SLC25A26: variants seen among roughly 807,000 people sequenced by gnomAD.
SLC25A26 encodes solute carrier family 25 member 26.
Under a neutral mutation model 37.8 loss-of-function variants are expected in SLC25A26, and 36 were observed. The observed-to-expected ratio is 0.95, with a 90% CI of 0.73 to 1.26. The LOEUF (loss-of-function observed/expected upper bound fraction) is 1.26, where lower values mean the gene tolerates loss of function less well. SLC25A26 is among the 50% of genes most tolerant of loss of function. The probability of loss-of-function intolerance (pLI) is 0.00; values close to 1 mark genes in which losing one functional copy is unlikely to be tolerated. For missense variants in SLC25A26, 390 were observed against 331.1 expected (o/e 1.18, Z -1.38); for synonymous variants, 129 against 122.5 (o/e 1.05, Z -0.35).
intron 5 of SLC25A26, among the ~76,000 whole-genome samples, chr3:66,279,331 A>G (rs2074260259): frequency 6.6e-6 from 1 of 152,098 alleles, no homozygotes; most frequent in Admixed American, 6.5e-5. Context: ...TGTTTCCTGA[A>G]GGCCGCATAG....
At chr3:66,277,136 A>G (rs1478011871) in intron 5 of SLC25A26, among the ~76,000 whole-genome samples, 1 of 152,114 alleles carries the variant, frequency 6.6e-6, no homozygotes, top group Non-Finnish European at 1.5e-5. Context: ...AAAGACACAC[A>G]AAAAAGATTA....
At chr3:66,246,033 A>G (rs1487200419) in intron 3 of SLC25A26, among the ~76,000 whole-genome samples, 1 of 152,194 alleles carries the variant, frequency 6.6e-6, no homozygotes, top group African/African-American at 2.4e-5. Flanking sequence ...GAATTTGCCT[A>G]TTTTGGACAT....
At chr3:66,269,497 T>G (rs2073880180) in intron 5 of SLC25A26, among the ~76,000 whole-genome samples, 1 of 152,216 alleles carries the variant, frequency 6.6e-6, no homozygotes. Context: ...GTATAAAAAG[T>G]AAAGTTACCC....
At chr3:66,342,884 C>T (rs1321347440) in intron 5 of SLC25A26, among the ~76,000 whole-genome samples, 1 of 152,136 alleles carries the variant, frequency 6.6e-6, no homozygotes, top group African/African-American at 2.4e-5. Context: ...TGGGTCTTAA[C>T]AACCTTATTC....
intron 5 of SLC25A26, among the ~76,000 whole-genome samples, chr3:66,296,617 CTAAG>C (rs2074910242): frequency 6.6e-6 from 1 of 152,070 alleles, no homozygotes; most frequent in African/African-American, 2.4e-5. Context: ...TTTTAGGTAT[CTAAG>C]TAGTGAAGAT....
intron 1 of SLC25A26, among the ~76,000 whole-genome samples, chr3:66,171,137 T>C (rs2106732378): frequency 6.6e-6 from 1 of 152,328 alleles, no homozygotes; most frequent in African/African-American, 2.4e-5. Context: ...TTACTTTGTG[T>C]TAGAAGAGTT....
chr3:66,305,018 C>G (rs890219698), intron 5 of SLC25A26, among the ~76,000 whole-genome samples: 1 of 152,104 alleles, frequency 6.6e-6, no homozygotes, highest in Non-Finnish European at 1.5e-5. Flanking sequence ...TTCTGAGATT[C>G]TTTATTAGCA....
intron 3 of SLC25A26, among the ~76,000 whole-genome samples, chr3:66,261,133 C>G (rs2073513047): frequency 6.6e-6 from 1 of 152,204 alleles, no homozygotes; most frequent in Admixed American, 6.5e-5. Flanking sequence ...TCCCGAGTGC[C>G]ATAACTTTCA....
Position 66,278,704 on chromosome 3 carries a change from C to T in SLC25A26, c.453+15325C>T, listed in dbSNP as rs191442742. Among the ~76,000 whole-genome samples the T allele has an allele frequency of 1.4e-4, 21 of 152,250 alleles. 1 individual carries two copies. Among genetic ancestry groups the T allele is most frequent in the East Asian group, 1.4e-3 (7 of 5,178 alleles). ...ATTCGTTTCTTTATTTCTTATCCTA[C>T]GAACTTTCTGCATCTTACAACTTTC... On this transcript the variant is annotated intron_variant, in intron 5 of 9. Coordinates refer to ENST00000354883, the MANE Select transcript of SLC25A26 (RefSeq NM_001379210.1).
intron 7 of SLC25A26, among the ~76,000 whole-genome samples, chr3:66,364,448 C>T (rs1305527560): frequency 2.0e-5 from 3 of 152,170 alleles, no homozygotes; most frequent in South Asian, 2.1e-4. Context: ...AGAAAGGGAG[C>T]GAGGTGCCCA....
At chr3:66,275,905 G>A (rs578163597) in intron 5 of SLC25A26, among the ~76,000 whole-genome samples, 1 of 151,998 alleles carries the variant, frequency 6.6e-6, no homozygotes, top group African/African-American at 2.4e-5. Flanking sequence ...TACCGTGTGG[G>A]TCAAGAATTA....
chr3:66,276,141 A>C (rs1454436813), intron 5 of SLC25A26, among the ~76,000 whole-genome samples: 1 of 152,172 alleles, frequency 6.6e-6, no homozygotes, highest in Non-Finnish European at 1.5e-5. Context: ...CACATAATGA[A>C]AATAGTTAAA....
chr3:66,218,963 T>A (rs1457298158), upstream of SLC25A26, among the ~76,000 whole-genome samples: 1 of 152,264 alleles, frequency 6.6e-6, no homozygotes, highest in African/African-American at 2.4e-5. Flanking sequence ...GACTCCTTGA[T>A]TCTTGACGTA....
chr3:66,302,117 T>G (rs1367552532), intron 5 of SLC25A26, among the ~76,000 whole-genome samples: 1 of 152,236 alleles, frequency 6.6e-6, no homozygotes, highest in Non-Finnish European at 1.5e-5. Flanking sequence ...CACTTAGCTT[T>G]ATCCCCAGTG....
At chr3:66,335,399 G>A (rs572420943) in intron 5 of SLC25A26, among the ~76,000 whole-genome samples, 99 of 152,004 alleles carry the variant, frequency 6.5e-4, no homozygotes, top group Non-Finnish European at 1.2e-3. Flanking sequence ...GTAAAGAATG[G>A]GATTTATTTT....
chr3:66,321,669 A>G (rs2107644169), intron 5 of SLC25A26, among the ~76,000 whole-genome samples: 1 of 152,162 alleles, frequency 6.6e-6, no homozygotes, highest in South Asian at 2.1e-4. Context: ...TGTGAAAACA[A>G]TGGCAAAAGT....
intron 7 of SLC25A26, among the ~76,000 whole-genome samples, chr3:66,367,291 A>C (rs768006808): frequency 6.6e-6 from 1 of 152,102 alleles, no homozygotes; most frequent in African/African-American, 2.4e-5. Flanking sequence ...CCACTAGGAG[A>C]CCAGTGGGTA....
intron 1 of SLC25A26, among the ~76,000 whole-genome samples, chr3:66,160,370 C>A (rs548774288): frequency 2.8e-4 from 42 of 152,272 alleles, no homozygotes; most frequent in Admixed American, 2.1e-3. Flanking sequence ...CCACTCCAAA[C>A]AGCCAGTGGG....
chr3:66,300,251 G>GTTTTTTTTTTTTTTTTTTTTTTTTTTTTT (rs1309490705), intron 5 of SLC25A26, among the ~76,000 whole-genome samples: 1 of 111,616 alleles, frequency 9.0e-6, no homozygotes, highest in Non-Finnish European at 1.9e-5. Flanking sequence ...GGGTTTTTTT[G>GTTTTTTTTTTTTTTTTTTTTTTTTTTTTT]TTTTGTTTTT....
Sources: gnomAD v4.1 joint callset for allele counts (sites outside exome capture counted in the v4.1 genomes callset) on GRCh38, gnomAD v4.1.1 for gene constraint, MANE v1.5 for transcripts, NCBI Gene and HGNC (gene_info 2026-07-23, HGNC 2026-07-21) for gene names.